PPFIBP2: variants seen among roughly 807,000 people sequenced by gnomAD.
PPFIBP2 encodes the protein liprin-beta-2.
In PPFIBP2, 118 loss-of-function variants were observed where a neutral mutation model predicts 118.3. The ratio of observed to expected loss-of-function variants is 1.00; its 90% confidence interval spans 0.86 to 1.16. The LOEUF (loss-of-function observed/expected upper bound fraction) is 1.16. PPFIBP2 is among the 50% of genes most tolerant of loss of function. The probability of loss-of-function intolerance (pLI) is 0.00; values close to 1 mark genes in which losing one functional copy is unlikely to be tolerated. For missense variants in PPFIBP2, 1,195 were observed against 1,073.1 expected, an observed-to-expected ratio of 1.11 and a Z score of -1.59; for synonymous variants, 414 against 397.4, an observed-to-expected ratio of 1.04 and a Z score of -0.50.
rs1848675847 is a variant in PPFIBP2 at position 7,616,578 on chromosome 11, G to A, written c.619-4357G>A. Among the ~76,000 whole-genome samples the A allele has an allele frequency of 6.6e-6, 1 of 152,222 alleles. No individual in the cohort carries two copies. Among genetic ancestry groups the A allele is most frequent in the South Asian group, 2.1e-4 (1 of 4,830 alleles). On this transcript the variant is annotated intron_variant, in intron 6 of 23. Transcript: ENST00000299492. This position sits in a 1 kb window ranked among gnomAD's most constrained non-coding sequence, Gnocchi z 5.2. Reference sequence around the variant, plus strand: ...TTGCTTGAGATAATCTTGTAGACAGGATGGAGGAATAGAAGATGAATATAC... The same window carrying A: ...TTGCTTGAGATAATCTTGTAGACAGAATGGAGGAATAGAAGATGAATATAC...
chr11:7,665,808 A>C, the PPFIBP2 span: 9 of 1,513,224 alleles, frequency 5.9e-6, no homozygotes, highest in Non-Finnish European at 7.1e-6. Context: ...ACGAGGAAGG[A>C]GAACACAACG....
At chr11:7,585,637 C>T (rs575027920) in intron 3 of PPFIBP2, among the ~76,000 whole-genome samples, 1 of 152,318 alleles carries the variant, frequency 6.6e-6, no homozygotes, top group African/African-American at 2.4e-5. Flanking sequence ...ATCTGCAGGA[C>T]CCCAGCCATG....
chr11:7,570,836 C>T (rs1398123874), intron 3 of PPFIBP2, among the ~76,000 whole-genome samples: 1 of 152,186 alleles, frequency 6.6e-6, no homozygotes. Flanking sequence ...GACTCAGTTT[C>T]CCTACTGGAA....
chr11:7,609,594 G>A (rs1192842498), intron 5 of PPFIBP2, among the ~76,000 whole-genome samples: 1 of 152,096 alleles, frequency 6.6e-6, no homozygotes, highest in Non-Finnish European at 1.5e-5. Flanking sequence ...TCAAAGCCCT[G>A]GGTTATTTGG....
chr11:7,592,649 A>AT (rs1859543565), intron 3 of PPFIBP2, among the ~76,000 whole-genome samples: 1 of 152,196 alleles, frequency 6.6e-6, no homozygotes, highest in African/African-American at 2.4e-5. Flanking sequence ...ATGGGCCTCC[A>AT]TGCAGCAAGG....
chr11:7,516,325 T>A (rs1849224458), intron 1 of PPFIBP2, among the ~76,000 whole-genome samples: 1 of 151,654 alleles, frequency 6.6e-6, no homozygotes, highest in South Asian at 2.1e-4. Flanking sequence ...TGGGGACAGG[T>A]AGGGAGACTT....
downstream of PPFIBP2, among the ~76,000 whole-genome samples, chr11:7,654,576 G>A (rs560878768): frequency 6.6e-6 from 1 of 152,244 alleles, no homozygotes; most frequent in Non-Finnish European, 1.5e-5. Context: ...CTGCCTCCTG[G>A]GAGGTGAGAG....
downstream of PPFIBP2, among the ~76,000 whole-genome samples, chr11:7,657,773 A>G (rs1854791443): frequency 6.6e-6 from 1 of 152,128 alleles, no homozygotes; most frequent in African/African-American, 2.4e-5. Flanking sequence ...TTCCCGCATG[A>G]TCCAGTTACA....
At chr11:7,627,539 C>A (rs1333767696) in intron 8 of PPFIBP2, among the ~76,000 whole-genome samples, 1 of 151,996 alleles carries the variant, frequency 6.6e-6, no homozygotes, top group Non-Finnish European at 1.5e-5. Context: ...TGTGCCAATT[C>A]CTAGAGTATC....
chr11:7,641,697 C>T, intron 16 of PPFIBP2, 77 bp downstream of exon 16: 1 of 1,429,282 alleles, frequency 7.0e-7, no homozygotes, highest in Non-Finnish European at 9.7e-7. Context: ...TATGTAAGCC[C>T]CTGGTCCAAT....
At chr11:7,641,730 A>T in intron 16 of PPFIBP2, 110 bp downstream of exon 16, 5 of 1,108,916 alleles carry the variant, frequency 4.5e-6, no homozygotes, top group Non-Finnish European at 6.6e-6. Context: ...AGCAGTCAAA[A>T]CAGAGTGTTC....
chr11:7,518,724 CT>C (rs1283511645), intron 1 of PPFIBP2, among the ~76,000 whole-genome samples: 1 of 152,118 alleles, frequency 6.6e-6, no homozygotes, highest in Non-Finnish European at 1.5e-5. Context: ...TGAACCGAGT[CT>C]TTTGTTAATT....
chr11:7,523,045 C>T (rs1472928919), intron 1 of PPFIBP2, among the ~76,000 whole-genome samples: 1 of 152,090 alleles, frequency 6.6e-6, no homozygotes, highest in African/African-American at 2.4e-5. Flanking sequence ...AGGCAACCAG[C>T]CATGAGGACC....
downstream of PPFIBP2, chr11:7,655,517 C>T (rs878910208): frequency 1.6e-6 from 2 of 1,288,264 alleles, no homozygotes; most frequent in South Asian, 2.5e-5. Flanking sequence ...CTGACCCTCT[C>T]CCCACAGTCA....
intron 1 of PPFIBP2, among the ~76,000 whole-genome samples, chr11:7,541,820 C>G (rs948992266): frequency 1.3e-5 from 2 of 152,156 alleles, no homozygotes; most frequent in African/African-American, 4.8e-5. Context: ...CCCAGACACC[C>G]CACATTGTTG....
At chr11:7,577,365 T>G in intron 3 of PPFIBP2, 1 of 322,002 alleles carries the variant, frequency 3.1e-6, no homozygotes, top group Admixed American at 4.1e-5. Context: ...GTTGGGGTGG[T>G]CGGGGAGGAC....
At chr11:7,656,615 A>G, downstream of PPFIBP2, 2 of 613,214 alleles carry the variant, frequency 3.3e-6, no homozygotes, top group South Asian at 3.0e-5. Context: ...CTTATAGTGC[A>G]CCTGTGTCAG....
At position 7,648,549 on chromosome 11, in the gene PPFIBP2, G is replaced by T. The variant is rs377673554; in HGVS notation, c.1797+12G>T. ...AGGACATGGAAAAGGTAAGGGCTCAGCTTGGGGAGAGGAGGCTCCCATTTC... is the reference window on the plus strand; with the variant it reads ...AGGACATGGAAAAGGTAAGGGCTCATCTTGGGGAGAGGAGGCTCCCATTTC... On this transcript the variant is annotated intron_variant, in intron 18 of 23. Transcript: ENST00000299492. 3 of 1,612,982 alleles carry T rather than the reference G, an allele frequency of 1.9e-6. No homozygotes were observed. The highest frequency in any genetic ancestry group is 2.5e-6 in the Non-Finnish European group (3 of 1,179,092).
chr11:7,549,607 T>C, intron 2 of PPFIBP2, 68 bp downstream of exon 2: 1 of 1,335,536 alleles, frequency 7.5e-7, no homozygotes, highest in Non-Finnish European at 9.8e-7. Context: ...TCTCTCCTTT[T>C]ACTTTTTTTT....
Sources: gnomAD v4.1 joint callset for allele counts (sites outside exome capture counted in the v4.1 genomes callset) on GRCh38, gnomAD v4.1.1 for gene constraint, Gnocchi (gnomAD v3.1) non-coding constraint, MANE v1.5 for transcripts, NCBI Gene and HGNC (gene_info 2026-07-23, HGNC 2026-07-21) for gene names.